AFAP1: variants seen among roughly 807,000 people sequenced by gnomAD.
AFAP1 encodes actin filament-associated protein 1.
A neutral mutation model predicts 93.9 loss-of-function variants in AFAP1; 75 were observed. The ratio of observed to expected loss-of-function variants is 0.80; its 90% CI spans 0.66 to 0.97. The LOEUF (loss-of-function observed/expected upper bound fraction) is 0.97, where lower values mean the gene tolerates loss of function less well. Ranked by LOEUF, AFAP1 falls within the 50% of genes least tolerant of loss-of-function variation. The probability of loss-of-function intolerance (pLI) is 0.00; values close to 1 mark genes in which losing one functional copy is unlikely to be tolerated. For synonymous variants in AFAP1, 517 were observed against 430.7 expected, an observed-to-expected ratio of 1.20 and a Z score of -2.48; for missense variants, 1,201 against 1,050.8, an observed-to-expected ratio of 1.14 and a Z score of -1.98.
At chr4:7,888,073 C>A (rs1718234504) in intron 1 of AFAP1, among the ~76,000 whole-genome samples, 1 of 152,084 alleles carries the variant, frequency 6.6e-6, no homozygotes. Flanking sequence ...GTTATCTGCC[C>A]ACCTCGGCCT....
chr4:7,895,441 C>T (rs62289359), intron 1 of AFAP1, among the ~76,000 whole-genome samples: 52,355 of 151,948 alleles, frequency 0.34, 10,327 homozygotes, highest in Non-Finnish European at 0.46. Flanking sequence ...CTTTAAAGAG[C>T]GGTTATGAGG....
chr4:7,857,045 T>C (rs1238486947), intron 3 of AFAP1, among the ~76,000 whole-genome samples: 1 of 152,232 alleles, frequency 6.6e-6, no homozygotes, highest in Non-Finnish European at 1.5e-5. Context: ...AAGACCTTTT[T>C]AATATTCATA....
chr4:7,808,102 A>G (rs559832390), intron 9 of AFAP1, among the ~76,000 whole-genome samples: 2 of 152,242 alleles, frequency 1.3e-5, no homozygotes, highest in South Asian at 4.1e-4. Context: ...TGACTATTCA[A>G]ATAGAAGGAA....
chr4:7,925,451 A>C (rs1378285986), intron 1 of AFAP1, among the ~76,000 whole-genome samples: 4 of 151,986 alleles, frequency 2.6e-5, no homozygotes, highest in Non-Finnish European at 4.4e-5. Context: ...GGTGGCTCAC[A>C]CCTGTAATCC....
chr4:7,793,829 G>A lies in AFAP1; in HGVS notation c.1267-3C>T, dbSNP rs371297849. On this transcript the variant is annotated splice_polypyrimidine_tract_variant and splice_region_variant and intron_variant, in intron 10 of 17. Coordinates refer to ENST00000420658, the MANE Select transcript of AFAP1 (RefSeq NM_001134647.2). ...CCCATGTCTTCAGAAGAAGATGCCT[G>A]TTGAAGTGGGAAAAAAGGTAGGCTG... The A allele has an allele frequency of 1.6e-5, 24 of 1,520,460 alleles. No homozygotes were observed. In the African/African-American group the frequency reaches 2.9e-4, roughly 18 times the overall value. 94.2% of individuals were successfully genotyped at this position (1,520,460 alleles called of 1,614,324 possible).
intron 1 of AFAP1, among the ~76,000 whole-genome samples, chr4:7,886,573 GTGTAAA>G (rs1718153903): frequency 1.3e-5 from 2 of 152,272 alleles, no homozygotes; most frequent in South Asian, 4.2e-4. Flanking sequence ...AAAGGAACTG[GTGTAAA>G]CTCCACAGAA....
chr4:7,787,476 A>G (rs1050769729), intron 11 of AFAP1, among the ~76,000 whole-genome samples: 1 of 152,188 alleles, frequency 6.6e-6, no homozygotes, highest in Non-Finnish European at 1.5e-5. Context: ...TGGACCTGTG[A>G]CTGGCATCTG....
intron 8 of AFAP1, 30 bp downstream of exon 8, chr4:7,815,986 GTA>G (rs1720436392): frequency 1.3e-6 from 2 of 1,547,854 alleles, no homozygotes; most frequent in Non-Finnish European, 8.8e-7. Context: ...TTTTTTTAGT[GTA>G]TATATGTTTT....
At chr4:7,835,469 G>A (rs1383530741) in intron 6 of AFAP1, among the ~76,000 whole-genome samples, 188 of 80,456 alleles carry the variant, frequency 2.3e-3, no homozygotes, top group African/African-American at 4.4e-3. Flanking sequence ...CTGCCTTAAG[G>A]TTACCTGGGT....
At chr4:7,936,052 A>G (rs915670498) in intron 1 of AFAP1, among the ~76,000 whole-genome samples, 2 of 152,352 alleles carry the variant, frequency 1.3e-5, no homozygotes, top group African/African-American at 2.4e-5. Flanking sequence ...CATGGAGCAT[A>G]TAACAAAGAA....
chr4:7,860,010 G>A (rs926766465), intron 3 of AFAP1, among the ~76,000 whole-genome samples: 2 of 152,060 alleles, frequency 1.3e-5, no homozygotes, highest in Non-Finnish European at 2.9e-5. Context: ...AGGCATGATG[G>A]TGCATGCCTA....
chr4:7,860,618 C>T lies in AFAP1; in HGVS notation c.226-5044G>A, dbSNP rs116682043. Among the ~76,000 whole-genome samples the T allele has an allele frequency of 5.9e-3, 893 of 152,220 alleles. 7 individuals carry two copies. The highest frequency in any genetic ancestry group is 0.019 in the African/African-American group (778 of 41,532). Reference sequence around the variant, plus strand: ...GGCTCAAGAGATTAAAGACACTGCCCGGGGCTGGACATGCTTATCCACAGA... The same window carrying T: ...GGCTCAAGAGATTAAAGACACTGCCTGGGGCTGGACATGCTTATCCACAGA... On this transcript the variant is annotated intron_variant, in intron 3 of 17. Coordinates refer to ENST00000420658, the MANE Select transcript of AFAP1 (RefSeq NM_001134647.2).
intron 1 of AFAP1, among the ~76,000 whole-genome samples, chr4:7,932,394 G>A (rs1164143264): frequency 1.3e-5 from 2 of 152,118 alleles, no homozygotes; most frequent in East Asian, 3.9e-4. Flanking sequence ...CTTCAGCCTT[G>A]AAACAATCAG....
intron 10 of AFAP1, among the ~76,000 whole-genome samples, chr4:7,794,247 T>C (rs531254071): frequency 1.1e-4 from 16 of 152,338 alleles, no homozygotes; most frequent in East Asian, 5.8e-4. Context: ...GGCCCTTTAC[T>C]GGTCGCAAAC....
chr4:7,903,991 G>A (rs1197300531), intron 1 of AFAP1, among the ~76,000 whole-genome samples: 1 of 150,938 alleles, frequency 6.6e-6, no homozygotes, highest in East Asian at 1.9e-4. Context: ...ACAGGAAAAT[G>A]TGTGTGTTTA....
intron 9 of AFAP1, among the ~76,000 whole-genome samples, chr4:7,806,757 T>A (rs1220959559): frequency 1.3e-5 from 2 of 152,182 alleles, no homozygotes; most frequent in East Asian, 3.8e-4. Context: ...ACAGAGGATG[T>A]TCTGTTAATA....
intron 1 of AFAP1, among the ~76,000 whole-genome samples, chr4:7,901,719 G>A (rs1249376426): frequency 1.3e-5 from 2 of 152,246 alleles, no homozygotes; most frequent in Admixed American, 6.5e-5. Context: ...GATGTGGACA[G>A]GGGGCTGAAC....
chr4:7,786,445 A>G, intron 11 of AFAP1, 134 bp from the exon 12 acceptor site: 1 of 726,758 alleles, frequency 1.4e-6, no homozygotes, highest in Non-Finnish European at 2.4e-6. Context: ...AATACTAGAC[A>G]GAATCTCGGC....
intron 1 of AFAP1, among the ~76,000 whole-genome samples, chr4:7,930,167 T>C (rs1350067970): frequency 6.6e-6 from 1 of 152,150 alleles, no homozygotes; most frequent in Admixed American, 6.5e-5. Flanking sequence ...TATGGTTTAT[T>C]ACAAAGAATA....
Sources: allele counts gnomAD v4.1 joint callset (sites outside exome capture counted in the v4.1 genomes callset), GRCh38; gene constraint gnomAD v4.1.1; transcripts MANE v1.5; gene names NCBI Gene and HGNC (gene_info 2026-07-23, HGNC 2026-07-21).